Variants in SCHIP1 observed in about 807,000 individuals in gnomAD.
SCHIP1 encodes the protein schwannomin-interacting protein 1.
In SCHIP1, 8 loss-of-function variants were observed where a neutral mutation model predicts 29.7. The observed-to-expected ratio is 0.27, with a 90% confidence interval of 0.16 to 0.49. SCHIP1 has a LOEUF of 0.49. Among genes scored for constraint, SCHIP1 ranks in the 20% least tolerant of loss-of-function variants. The pLI is 0.99. For synonymous variants in SCHIP1, 76 were observed against 94.9 expected (o/e 0.80, Z 1.16); for missense variants, 193 against 294.6 (o/e 0.66, Z 2.52).
At chr3:159,557,235 T>C in the SCHIP1 span, among the ~76,000 whole-genome samples, 43 of 152,282 alleles carry the variant, frequency 2.8e-4, no homozygotes, top group East Asian at 7.7e-3. Context: ...GATTCTTAAA[T>C]TGTACTTATG....
At chr3:159,718,804 T>A in the SCHIP1 span, among the ~76,000 whole-genome samples, 2 of 152,164 alleles carry the variant, frequency 1.3e-5, no homozygotes, top group African/African-American at 4.8e-5. Flanking sequence ...ATGGCCACAC[T>A]TCCCAAGATA....
chr3:159,615,278 C>T, the SCHIP1 span, among the ~76,000 whole-genome samples: 3 of 152,138 alleles, frequency 2.0e-5, no homozygotes, highest in Non-Finnish European at 4.4e-5. Flanking sequence ...GCCCTGGAGG[C>T]CACACTTAAA....
intron 2 of SCHIP1, among the ~76,000 whole-genome samples, chr3:159,868,023 A>T (rs1714829758): frequency 6.8e-6 from 1 of 147,708 alleles, no homozygotes; most frequent in African/African-American, 2.5e-5. Flanking sequence ...TAAATCAATG[A>T]TTTTTATATA....
chr3:159,633,928 A>G, the SCHIP1 span, among the ~76,000 whole-genome samples: 4 of 152,214 alleles, frequency 2.6e-5, no homozygotes, highest in Non-Finnish European at 4.4e-5. Context: ...GGACCTACGC[A>G]TAACAGTAAA....
the SCHIP1 span, among the ~76,000 whole-genome samples, chr3:159,359,672 G>A: frequency 1.3e-5 from 2 of 151,418 alleles, no homozygotes; most frequent in East Asian, 3.8e-4. Context: ...ATGTCAGGTG[G>A]GGTAAAGTGG....
At chr3:159,591,473 G>A in the SCHIP1 span, among the ~76,000 whole-genome samples, 6 of 152,158 alleles carry the variant, frequency 3.9e-5, no homozygotes, top group Admixed American at 3.9e-4. Flanking sequence ...GCACACATAT[G>A]CTTATTGCAG....
At chr3:159,379,438 G>A in the SCHIP1 span, among the ~76,000 whole-genome samples, 12 of 152,272 alleles carry the variant, frequency 7.9e-5, no homozygotes, top group South Asian at 1.9e-3. Context: ...GGCCAGGCTG[G>A]TCTCAAACTC....
At chr3:159,776,919 G>A in the SCHIP1 span, among the ~76,000 whole-genome samples, 36 of 152,242 alleles carry the variant, frequency 2.4e-4, no homozygotes, top group Non-Finnish European at 4.6e-4. Context: ...ATAACCCACT[G>A]GAGCAGTGGG....
chr3:159,740,830 T>C, the SCHIP1 span, among the ~76,000 whole-genome samples: 1 of 149,274 alleles, frequency 6.7e-6, no homozygotes. Context: ...ATCTTAGCTA[T>C]TAATTAGGTA....
chr3:159,497,306 T>C, the SCHIP1 span, among the ~76,000 whole-genome samples: 577 of 152,108 alleles, frequency 3.8e-3, 2 homozygotes, highest in Non-Finnish European at 6.6e-3. Flanking sequence ...AACTCCTTCA[T>C]ATTCAAGTTG....
chr3:159,326,813 T>C, the SCHIP1 span, among the ~76,000 whole-genome samples: 5 of 152,172 alleles, frequency 3.3e-5, no homozygotes, highest in African/African-American at 7.2e-5. Context: ...CAGCTAGTTC[T>C]GGGTCATTTC....
the SCHIP1 span, among the ~76,000 whole-genome samples, chr3:159,818,498 G>A: frequency 1.2e-4 from 18 of 152,306 alleles, no homozygotes; most frequent in South Asian, 4.1e-4. Flanking sequence ...GTGTGGAGCC[G>A]TGGTAGAGCA....
chr3:159,851,936 T>C (rs1712698357), intron 1 of SCHIP1, among the ~76,000 whole-genome samples: 1 of 152,244 alleles, frequency 6.6e-6, no homozygotes. Flanking sequence ...AACATGCAAT[T>C]AATTCTTTTT....
the SCHIP1 span, among the ~76,000 whole-genome samples, chr3:159,623,685 C>G: frequency 6.6e-6 from 1 of 152,122 alleles, no homozygotes; most frequent in Admixed American, 6.6e-5. Flanking sequence ...CTTACATTAC[C>G]TTTAGTAGGA....
chr3:159,321,179 G>C, the SCHIP1 span, among the ~76,000 whole-genome samples: 1 of 152,080 alleles, frequency 6.6e-6, no homozygotes, highest in African/African-American at 2.4e-5. Context: ...CGGCCCGGCT[G>C]GTCTCAAACT....
chr3:159,691,039 T>C, the SCHIP1 span, among the ~76,000 whole-genome samples: 2 of 152,130 alleles, frequency 1.3e-5, no homozygotes. Context: ...GAATAAGTGA[T>C]ATGTGGTGCT....
the SCHIP1 span, among the ~76,000 whole-genome samples, chr3:159,496,851 A>G: frequency 6.6e-6 from 1 of 152,190 alleles, no homozygotes; most frequent in Non-Finnish European, 1.5e-5. Context: ...ACTTGGAACC[A>G]ACCCAAATGT....
chr3:159,350,035 G>T, the SCHIP1 span, among the ~76,000 whole-genome samples: 1 of 152,130 alleles, frequency 6.6e-6, no homozygotes, highest in African/African-American at 2.4e-5. Flanking sequence ...AGCTCTCAAG[G>T]TGTAAGGAGG....
At chr3:159,715,544 G>A in the SCHIP1 span, among the ~76,000 whole-genome samples, 1 of 152,186 alleles carries the variant, frequency 6.6e-6, no homozygotes, top group Non-Finnish European at 1.5e-5. Flanking sequence ...AAACAGCGTA[G>A]AGAAGACCTT....
Sources: allele counts gnomAD v4.1 joint callset (sites outside exome capture counted in the v4.1 genomes callset), GRCh38; gene constraint gnomAD v4.1.1; transcripts MANE v1.5; gene names NCBI Gene and HGNC (gene_info 2026-07-23, HGNC 2026-07-21).